The following STX8 variants were observed in gnomAD, a reference collection of about 807,000 sequenced individuals.
STX8 encodes the protein syntaxin 8.
A neutral mutation model predicts 37.5 loss-of-function variants in STX8; 23 were observed. The observed-to-expected ratio is 0.61, with a 90% CI of 0.44 to 0.87. The LOEUF is 0.87. Ranked by LOEUF, STX8 falls within the 40% of genes least tolerant of loss-of-function variation. The probability of loss-of-function intolerance (pLI) is 0.00; values close to 1 mark genes in which losing one functional copy is unlikely to be tolerated. For synonymous variants in STX8, 115 were observed against 99.1 expected, an observed-to-expected ratio of 1.16 and a Z score of -0.95; for missense variants, 313 against 284.7, an observed-to-expected ratio of 1.10 and a Z score of -0.71.
intron 7 of STX8, among the ~76,000 whole-genome samples, chr17:9,334,988 T>A (rs1910089036): frequency 6.6e-6 from 1 of 152,186 alleles, no homozygotes; most frequent in African/African-American, 2.4e-5. Flanking sequence ...CCATTTCTAA[T>A]CAGTAGTTCA....
intron 7 of STX8, among the ~76,000 whole-genome samples, chr17:9,347,844 A>G (rs544621056): frequency 1.3e-5 from 2 of 152,338 alleles, no homozygotes; most frequent in South Asian, 2.1e-4. Context: ...TTCTGTCTCT[A>G]TAGATTTGCC....
intron 6 of STX8, among the ~76,000 whole-genome samples, chr17:9,448,329 G>A (rs748694523): frequency 4.6e-5 from 7 of 152,088 alleles, no homozygotes; most frequent in Non-Finnish European, 8.8e-5. Context: ...AGTCTGAGTC[G>A]CCCAACCCGC....
At chr17:9,350,441 G>C (rs1392353134) in intron 7 of STX8, among the ~76,000 whole-genome samples, 3 of 152,210 alleles carry the variant, frequency 2.0e-5, no homozygotes, top group Non-Finnish European at 4.4e-5. Flanking sequence ...TTCCTGAGTA[G>C]CTGGGCTCTT....
At chr17:9,364,682 C>A (rs549617116) in intron 7 of STX8, among the ~76,000 whole-genome samples, 1 of 151,992 alleles carries the variant, frequency 6.6e-6, no homozygotes, top group South Asian at 2.1e-4. Flanking sequence ...AGGTGCCCAC[C>A]ACCACGCTCA....
chr17:9,420,998 C>T (rs981983553), intron 6 of STX8, among the ~76,000 whole-genome samples: 26 of 152,116 alleles, frequency 1.7e-4, no homozygotes, highest in African/African-American at 5.3e-4. Context: ...AATGAAGAAA[C>T]GCAACTGGAC....
intron 1 of STX8, 79 bp downstream of exon 1, chr17:9,575,713 C>G: frequency 6.6e-7 from 1 of 1,513,928 alleles, no homozygotes; most frequent in Non-Finnish European, 8.9e-7. Flanking sequence ...AGCGGCAATG[C>G]GAAGTGATTG....
intron 6 of STX8, among the ~76,000 whole-genome samples, chr17:9,445,313 T>A (rs1904799947): frequency 6.6e-6 from 1 of 151,624 alleles, no homozygotes; most frequent in Admixed American, 6.6e-5. Flanking sequence ...CTTTTCCCAC[T>A]GCGAGTGAGA....
intron 6 of STX8, chr17:9,469,030 G>A (rs1905733276): frequency 6.6e-6 from 1 of 152,208 alleles, no homozygotes; most frequent in African/African-American, 2.4e-5. Flanking sequence ...ATTTTCAAGG[G>A]AAGTGGTACA....
intron 6 of STX8, among the ~76,000 whole-genome samples, chr17:9,413,473 T>A (rs1597655877): frequency 6.6e-6 from 1 of 152,196 alleles, no homozygotes; most frequent in South Asian, 2.1e-4. Context: ...TCAAGACTTG[T>A]AGGTTATTTA....
At chr17:9,331,570 G>T (rs1909962952) in intron 7 of STX8, among the ~76,000 whole-genome samples, 1 of 152,196 alleles carries the variant, frequency 6.6e-6, no homozygotes, top group Non-Finnish European at 1.5e-5. Context: ...CAGGGAAAAT[G>T]ATGTTCAAAA....
intron 6 of STX8, among the ~76,000 whole-genome samples, chr17:9,446,064 C>G (rs1474009606): frequency 2.6e-5 from 4 of 152,112 alleles, no homozygotes; most frequent in African/African-American, 9.7e-5. Context: ...TCTCGATCTC[C>G]TGGCCTTGTG....
intron 7 of STX8, among the ~76,000 whole-genome samples, chr17:9,313,571 G>A (rs976862455): frequency 1.3e-5 from 2 of 152,200 alleles, no homozygotes; most frequent in Non-Finnish European, 2.9e-5. Flanking sequence ...CAGCTGCCAT[G>A]CCCATCACAA....
intron 2 of STX8, among the ~76,000 whole-genome samples, chr17:9,567,509 A>G (rs1907506905): frequency 6.6e-6 from 1 of 152,214 alleles, no homozygotes; most frequent in Admixed American, 6.5e-5. Flanking sequence ...AGTGTGAGAG[A>G]AAGAAAATAC....
chr17:9,293,899 C>T (rs895811187), intron 7 of STX8, among the ~76,000 whole-genome samples: 5 of 151,514 alleles, frequency 3.3e-5, no homozygotes, highest in African/African-American at 1.2e-4. Context: ...GTACCTGGGA[C>T]TACAGGCACC....
At chr17:9,476,097 T>C (rs965241513) in intron 6 of STX8, among the ~76,000 whole-genome samples, 1 of 152,194 alleles carries the variant, frequency 6.6e-6, no homozygotes, top group Admixed American at 6.5e-5. Context: ...AAGAATCGTT[T>C]GAAGCCGGGG....
At chr17:9,482,396 T>C (rs182343177) in intron 6 of STX8, among the ~76,000 whole-genome samples, 4 of 152,220 alleles carry the variant, frequency 2.6e-5, no homozygotes, top group African/African-American at 9.6e-5. Context: ...TATACAACTA[T>C]TAAAATACAA....
chr17:9,291,115 G>A (rs938100323), intron 7 of STX8, among the ~76,000 whole-genome samples: 6 of 152,158 alleles, frequency 3.9e-5, no homozygotes, highest in Non-Finnish European at 5.9e-5. Context: ...CAATTACTGA[G>A]ATTAAATATT....
intron 3 of STX8, among the ~76,000 whole-genome samples, chr17:9,551,804 T>C (rs1906769991): frequency 6.6e-6 from 1 of 152,154 alleles, no homozygotes; most frequent in South Asian, 2.1e-4. Flanking sequence ...CTCAGTTCTG[T>C]CTGCTTTCAG....
chr17:9,482,682 A>G (rs1906395594), intron 6 of STX8, among the ~76,000 whole-genome samples: 1 of 152,134 alleles, frequency 6.6e-6, no homozygotes, highest in African/African-American at 2.4e-5. Context: ...GGGAGGCCAC[A>G]GCAGGCAGAT....
Sources: allele counts gnomAD v4.1 joint callset (sites outside exome capture counted in the v4.1 genomes callset), GRCh38; gene constraint gnomAD v4.1.1; transcripts MANE v1.5; gene names NCBI Gene and HGNC (gene_info 2026-07-23, HGNC 2026-07-21).